SGK1: variants seen among roughly 807,000 people sequenced by gnomAD.
SGK1 encodes serum/glucocorticoid regulated kinase 1.
Under a neutral mutation model 64.2 loss-of-function variants are expected in SGK1, and 26 were observed. The ratio of observed to expected loss-of-function variants is 0.40; its 90% CI spans 0.30 to 0.56. SGK1 has a LOEUF of 0.56. SGK1 is among the 20% of genes least tolerant of loss of function. The pLI is 0.38. For missense variants in SGK1, 519 were observed against 645.6 expected (o/e 0.80, Z 2.12); for synonymous variants, 265 against 239.7 (o/e 1.11, Z -0.98).
At chr6:134,264,669 G>T (rs1776823986) in intron 1 of SGK1, among the ~76,000 whole-genome samples, 1 of 151,640 alleles carries the variant, frequency 6.6e-6, no homozygotes, top group African/African-American at 2.4e-5. Context: ...TTGTTAAAGG[G>T]TCTTGTTTTG....
intron 3 of SGK1, among the ~76,000 whole-genome samples, chr6:134,202,060 AAAAAATAAAAAT>A (rs569466866): frequency 3.9e-5 from 6 of 152,190 alleles, no homozygotes; most frequent in African/African-American, 1.4e-4. Flanking sequence ...TCAAACTGAT[AAAAAATAAAAAT>A]AAAAATAAAA....
rs1776916943 is a variant in SGK1 at position 134,270,094 on chromosome 6, T to C, written c.70-7946A>G. Among the ~76,000 whole-genome samples the C allele has an allele frequency of 1.4e-5, 2 of 147,926 alleles. 1 individual carries two copies. Among genetic ancestry groups the C allele is most frequent in the Non-Finnish European group, 3.0e-5 (2 of 66,718 alleles). On this transcript the variant is annotated intron_variant, in intron 1 of 13. Transcript: ENST00000367858. ...GTGTCACCACATCCAGCTAGTTTTG[T>C]ATTTTTAGTAGAGACAGGGTTTCTC...
At chr6:134,297,238 C>G (rs1361862792) in intron 1 of SGK1, 4 of 1,122,780 alleles carry the variant, frequency 3.6e-6, no homozygotes, top group Admixed American at 3.5e-5. Flanking sequence ...TTCTAGCCCT[C>G]CAGCAGCTTC....
chr6:134,228,259 T>G (rs1048320572), intron 2 of SGK1, among the ~76,000 whole-genome samples: 8 of 152,150 alleles, frequency 5.3e-5, no homozygotes, highest in Non-Finnish European at 1.2e-4. Context: ...CTGACCGGAA[T>G]TCATTCTTGA....
At chr6:134,215,194 C>A in intron 2 of SGK1, 5 of 409,368 alleles carry the variant, frequency 1.2e-5, no homozygotes, top group South Asian at 8.9e-5. Context: ...TGGCTGACTA[C>A]AACCTCCGCC....
intron 1 of SGK1, among the ~76,000 whole-genome samples, chr6:134,283,651 C>A (rs996955868): frequency 6.6e-6 from 1 of 151,686 alleles, no homozygotes; most frequent in African/African-American, 2.4e-5. Flanking sequence ...AGTTTGAGAT[C>A]AGCTTGGGCA....
At chr6:134,272,182 C>T (rs1225255021) in intron 1 of SGK1, among the ~76,000 whole-genome samples, 1 of 140,780 alleles carries the variant, frequency 7.1e-6, no homozygotes, top group African/African-American at 2.6e-5. Flanking sequence ...GCTCTGTTGC[C>T]CAGGCTGGAG....
rs1775813589 is a variant in SGK1 at position 134,207,564 on chromosome 6, G to A, written c.286-133C>T. The stretch of plus-strand genomic sequence containing the variant: ...ATGGCATGTCTGTGCTCTAATTAGG[G>A]TGGTTTTCTCAGGACCGTGCTGGGT... On this transcript the variant is annotated intron_variant, in intron 2 of 13. Transcript: ENST00000367858. 3 of 683,422 alleles carry A rather than the reference G, an allele frequency of 4.4e-6. No individual in the cohort carries two copies. The Admixed American group carries it at 7.3e-5, about 17-fold the overall frequency. The allele number at this position is 683,422 out of a possible 1,614,324, so 42.3% of individuals were successfully genotyped here.
intron 1 of SGK1, among the ~76,000 whole-genome samples, chr6:134,278,631 T>C (rs573650591): frequency 6.6e-6 from 1 of 152,302 alleles, no homozygotes; most frequent in East Asian, 1.9e-4. Flanking sequence ...CACTTCATGT[T>C]TTATAAATGA....
chr6:134,185,360 G>A (rs1468270419), intron 3 of SGK1, among the ~76,000 whole-genome samples: 1 of 151,988 alleles, frequency 6.6e-6, no homozygotes, highest in Non-Finnish European at 1.5e-5. Context: ...TCCCAAAATA[G>A]CCTTCTCTAC....
chr6:134,280,198 CAAA>C (rs1228218844), intron 1 of SGK1, among the ~76,000 whole-genome samples: 5 of 64,242 alleles, frequency 7.8e-5, no homozygotes, highest in Admixed American at 1.8e-4. Context: ...GACACTGTCT[CAAA>C]AAAAAAAAAA....
intron 2 of SGK1, chr6:134,261,590 A>G (rs772350064): frequency 1.5e-4 from 79 of 533,414 alleles, no homozygotes; most frequent in Non-Finnish European, 2.5e-4. Context: ...ATTAGTCCAA[A>G]CCCATAGAAT....
intron 3 of SGK1, among the ~76,000 whole-genome samples, chr6:134,198,072 A>G (rs1032689253): frequency 1.3e-5 from 2 of 152,166 alleles, no homozygotes; most frequent in African/African-American, 4.8e-5. Flanking sequence ...GATATAGGCC[A>G]AAGGATAATT....
At chr6:134,191,793 T>C (rs939544599) in intron 3 of SGK1, among the ~76,000 whole-genome samples, 93 of 143,308 alleles carry the variant, frequency 6.5e-4, no homozygotes, top group African/African-American at 2.3e-3. Flanking sequence ...CTCAGCCTCC[T>C]GAGTAGCTGG....
chr6:134,271,147 C>T (rs926750793), intron 1 of SGK1, among the ~76,000 whole-genome samples: 1 of 130,856 alleles, frequency 7.6e-6, no homozygotes, highest in African/African-American at 2.5e-5. Flanking sequence ...AGTGAAACTC[C>T]ATCTCTACTA....
At chr6:134,171,766 C>T (rs1775034054) in intron 10 of SGK1, 34 bp from the exon 11 acceptor site, 1 of 1,439,668 alleles carries the variant, frequency 6.9e-7, no homozygotes, top group African/African-American at 1.4e-5. Context: ...GCGTTTAGAA[C>T]CTGCGAAAGC....
chr6:134,254,115 T>TA, intron 2 of SGK1, among the ~76,000 whole-genome samples: 1 of 29,890 alleles, frequency 3.3e-5, no homozygotes, highest in Non-Finnish European at 1.1e-4. Flanking sequence ...TAGTCTCTCC[T>TA]TTTTTTTTTT....
intron 1 of SGK1, among the ~76,000 whole-genome samples, chr6:134,277,678 C>G (rs1777037997): frequency 1.3e-5 from 2 of 152,094 alleles, no homozygotes; most frequent in South Asian, 4.1e-4. Flanking sequence ...TTCTCCACTC[C>G]CCTAAGTCCC....
rs150347876 is a variant in SGK1 at position 134,252,487 on chromosome 6, T to A, written c.285+9446A>T. Among the ~76,000 whole-genome samples the A allele has an allele frequency of 2.1e-4, 32 of 152,268 alleles. No homozygotes were observed. The South Asian group carries it at 4.6e-3, about 22-fold the overall frequency. ...TTTTAGCTTTCAGCTAACGTAGACATTCTCTCTCTGTTAGCACAAGAAACA... is the reference window on the plus strand; with the variant it reads ...TTTTAGCTTTCAGCTAACGTAGACAATCTCTCTCTGTTAGCACAAGAAACA... On this transcript the variant is annotated intron_variant, in intron 2 of 13. Transcript: ENST00000367858.
Sources: allele counts gnomAD v4.1 joint callset (sites outside exome capture counted in the v4.1 genomes callset), GRCh38; gene constraint gnomAD v4.1.1; transcripts MANE v1.5; gene names NCBI Gene and HGNC (gene_info 2026-07-23, HGNC 2026-07-21).